Variants in THSD7B observed in about 807,000 individuals in gnomAD.
The protein encoded by THSD7B is thrombospondin type 1 domain containing 7B.
A neutral mutation model predicts 213.6 loss-of-function variants in THSD7B; 138 were observed. The observed-to-expected ratio is 0.65, with a 90% CI of 0.56 to 0.74. THSD7B has a LOEUF of 0.74. Among genes scored for constraint, THSD7B ranks in the 30% least tolerant of loss-of-function variants. THSD7B has a pLI of 0.00. For synonymous variants in THSD7B, 742 were observed against 687.0 expected, an observed-to-expected ratio of 1.08 and a Z score of -1.25; for missense variants, 1,931 against 1,991.5, an observed-to-expected ratio of 0.97 and a Z score of 0.58.
At chr2:137,654,951 T>C (rs1360178474) in intron 21 of THSD7B, among the ~76,000 whole-genome samples, 1 of 152,184 alleles carries the variant, frequency 6.6e-6, no homozygotes, top group Non-Finnish European at 1.5e-5. Context: ...TCTAATTGCC[T>C]AGAATATCTA....
intron 1 of THSD7B, among the ~76,000 whole-genome samples, chr2:136,875,731 C>T (rs1360452824): frequency 6.6e-6 from 1 of 152,258 alleles, no homozygotes; most frequent in Non-Finnish European, 1.5e-5. Flanking sequence ...AGTTAGGTCA[C>T]TTTGCAGAGT....
At chr2:137,295,717 T>A (rs1683446174) in intron 12 of THSD7B, among the ~76,000 whole-genome samples, 1 of 152,064 alleles carries the variant, frequency 6.6e-6, no homozygotes, top group Admixed American at 6.5e-5. Context: ...CTCATGATCC[T>A]CCTGCCTCAT....
chr2:137,115,246 A>G lies in THSD7B; in HGVS notation c.1322A>G (p.Tyr441Cys). 1 of 1,612,286 alleles carries G rather than the reference A, an allele frequency of 6.2e-7. No individual in the cohort carries two copies. The change falls in exon 5 of 28, where the codon TAC (tyrosine) becomes TGC (cysteine). Residue 441 changes from tyrosine (Y) to cysteine (C), a missense_variant. Physicochemically the swap from Tyr to Cys is radical, Grantham distance 194. Transcript: ENST00000409968. ...GGTGGGATCCAGACCCGGGAGGTGTACTGTGCCCAGAGCGTACCAGCAGCT... is the reference window on the plus strand; with the variant it reads ...GGTGGGATCCAGACCCGGGAGGTGTGCTGTGCCCAGAGCGTACCAGCAGCT... The part of the protein sequence containing the change: ...CGGGIQTREV[Y>C]CAQSVPAAAA...
intron 12 of THSD7B, among the ~76,000 whole-genome samples, chr2:137,388,896 ATTTTCT>A (rs986334098): frequency 2.0e-5 from 3 of 151,930 alleles, no homozygotes; most frequent in African/African-American, 7.2e-5. Flanking sequence ...TATATACCAC[ATTTTCT>A]TTATCCATTA....
intron 6 of THSD7B, among the ~76,000 whole-genome samples, chr2:137,164,934 C>T (rs1162224758): frequency 2.6e-5 from 4 of 151,970 alleles, no homozygotes; most frequent in East Asian, 1.9e-4. Context: ...ATGTAAATGA[C>T]GAGTTAATGG....
At chr2:137,553,932 T>A (rs1680899516) in intron 15 of THSD7B, among the ~76,000 whole-genome samples, 2 of 152,156 alleles carry the variant, frequency 1.3e-5, no homozygotes, top group South Asian at 4.1e-4. Flanking sequence ...CTTTTTTGAC[T>A]TTTGTGGGTG....
chr2:137,069,101 C>T lies in THSD7B; in HGVS notation c.950+11871C>T, dbSNP rs570952089. ...TGATTTGCTTCTTGTGCTTAAAGATCTTTTGCTTTTACTTGTCTCAGTGCA... is the reference window on the plus strand; with the variant it reads ...TGATTTGCTTCTTGTGCTTAAAGATTTTTTGCTTTTACTTGTCTCAGTGCA... On this transcript the variant is annotated intron_variant, in intron 3 of 27. Coordinates refer to ENST00000409968, the MANE Select transcript of THSD7B (RefSeq NM_001316349.2). 2.0e-5 allele frequency among the ~76,000 whole-genome samples: 3 copies of T among 152,116 alleles called. No individual in the cohort carries two copies. In the South Asian group the frequency reaches 6.2e-4, roughly 32 times the overall value.
chr2:136,856,804 C>T (rs1573672193), intron 1 of THSD7B, among the ~76,000 whole-genome samples: 1 of 152,176 alleles, frequency 6.6e-6, no homozygotes, highest in South Asian at 2.1e-4. Context: ...ACATGAGCCA[C>T]CACACCCAGC....
chr2:137,450,913 G>C lies in THSD7B; in HGVS notation c.3028G>C (p.Gly1010Arg). Reference sequence around the variant, plus strand: ...CAAGTTAAGCGATTGGTCTAGTTGGGGGTCTTGCAGTTCATCTTGTGGAAT... The same window carrying C: ...CAAGTTAAGCGATTGGTCTAGTTGGCGGTCTTGCAGTTCATCTTGTGGAAT... ...DCKLSDWSSW[G>R]SCSSSCGIGV... Residue 1010 changes from glycine to arginine, a missense_variant, in exon 15 of 28, where the codon GGG (glycine) becomes CGG (arginine). Physicochemically the swap from Gly to Arg is moderately radical, Grantham distance 125. Transcript: ENST00000409968. 2 of 1,613,454 alleles carry C rather than the reference G, an allele frequency of 1.2e-6. No individual in the cohort carries two copies. Among genetic ancestry groups the C allele is most frequent in the Non-Finnish European group, 1.7e-6 (2 of 1,179,608 alleles).
chr2:137,211,470 T>C (rs771730785), intron 7 of THSD7B, among the ~76,000 whole-genome samples: 5 of 152,036 alleles, frequency 3.3e-5, no homozygotes, highest in Non-Finnish European at 2.9e-5. Flanking sequence ...CATCACATTA[T>C]TAGTGTAATA....
At chr2:137,604,613 A>G (rs1682137485) in intron 17 of THSD7B, among the ~76,000 whole-genome samples, 1 of 152,152 alleles carries the variant, frequency 6.6e-6, no homozygotes, top group South Asian at 2.1e-4. Flanking sequence ...ACTTATTCCC[A>G]TGGAAACTCA....
chr2:137,231,068 G>T lies in THSD7B; in HGVS notation c.1748G>T (p.Cys583Phe). The T allele has an allele frequency of 6.2e-7, 1 of 1,613,548 alleles. No individual in the cohort carries two copies. Among genetic ancestry groups the T allele is most frequent in the Non-Finnish European group, 8.5e-7 (1 of 1,179,730 alleles). ...DRGEDVSGSL[C>F]PVPPPPERKS... ...GGAGAAGATGTATCAGGGAGTCTTT[G>T]CCCAGTTCCCCCTCCTCCTGAGAGG... is the stretch of plus-strand genomic sequence containing the variant. Residue 583 changes from cysteine to phenylalanine, a missense_variant, in exon 8 of 28, where the codon TGC becomes TTC. Physicochemically the swap from Cys to Phe is radical, Grantham distance 205. Transcript: ENST00000409968.
chr2:137,464,096 C>G (rs1035032871), intron 15 of THSD7B, among the ~76,000 whole-genome samples: 3 of 152,076 alleles, frequency 2.0e-5, no homozygotes, highest in Admixed American at 6.6e-5. Context: ...CCCTGAATCT[C>G]TAACTTGTAG....
At chr2:136,873,021 T>TAAAAAA (rs1553454610) in intron 1 of THSD7B, among the ~76,000 whole-genome samples, 28 of 43,466 alleles carry the variant, frequency 6.4e-4, no homozygotes, top group East Asian at 1.2e-3. Flanking sequence ...AGACTCCATC[T>TAAAAAA]AAAAAAAAAA....
chr2:137,073,642 G>T (rs1687551279), intron 3 of THSD7B, among the ~76,000 whole-genome samples: 1 of 152,046 alleles, frequency 6.6e-6, no homozygotes, highest in African/African-American at 2.4e-5. Flanking sequence ...GAATCTGTTT[G>T]CTCTTGCTTC....
chr2:137,259,616 C>T (rs1682393527), intron 10 of THSD7B, among the ~76,000 whole-genome samples: 2 of 151,988 alleles, frequency 1.3e-5, no homozygotes, highest in African/African-American at 4.8e-5. Flanking sequence ...CAAAAATTTT[C>T]TCCCATTCTG....
chr2:137,040,291 C>T (rs543494292), intron 2 of THSD7B, among the ~76,000 whole-genome samples: 3 of 152,178 alleles, frequency 2.0e-5, no homozygotes, highest in Non-Finnish European at 4.4e-5. Context: ...AGTATGAAAG[C>T]TTATTTTGAT....
At chr2:137,243,171 C>T (rs1681952058) in intron 10 of THSD7B, among the ~76,000 whole-genome samples, 1 of 152,154 alleles carries the variant, frequency 6.6e-6, no homozygotes, top group Admixed American at 6.5e-5. Flanking sequence ...GGAGTATATG[C>T]TAAAGTGATC....
intron 12 of THSD7B, among the ~76,000 whole-genome samples, chr2:137,307,391 C>A (rs962082115): frequency 6.6e-6 from 1 of 151,974 alleles, no homozygotes; most frequent in Non-Finnish European, 1.5e-5. Flanking sequence ...GGGAAAAGAA[C>A]AAAAGAGACA....
Sources: gnomAD v4.1 joint callset for allele counts (sites outside exome capture counted in the v4.1 genomes callset) on GRCh38, gnomAD v4.1.1 for gene constraint, MANE v1.5 for transcripts, NCBI Gene and HGNC (gene_info 2026-07-23, HGNC 2026-07-21) for gene names.